DALRD3: variants seen among roughly 807,000 people sequenced by gnomAD.
DALRD3 encodes the protein DALR anticodon-binding domain-containing protein 3.
DALRD3 carries 47 observed loss-of-function variants against 56.7 expected under a neutral mutation model. That is an observed-to-expected ratio of 0.83 (90% confidence interval 0.66 to 1.06). DALRD3 has a LOEUF of 1.06. Ranked by LOEUF, DALRD3 falls within the 50% of genes least tolerant of loss-of-function variation. The pLI, the probability that DALRD3 is intolerant of heterozygous loss-of-function variation, is 0.00. For synonymous variants in DALRD3, 347 were observed against 308.5 expected (o/e 1.12, Z -1.31); for missense variants, 787 against 724.0 (o/e 1.09, Z -1.00).
In DALRD3 at chr3:49,018,414, A is replaced by G; in HGVS notation, c.151T>C (p.Phe51Leu). Reference protein sequence around the residue: ...LAPHRALQARFDDGQVPEHLL... With the variant: ...LAPHRALQARLDDGQVPEHLL... ...CTCACGCCCACCTGGCCGTCATCGA[A>G]GCGCGCCTGCAGCGCGCGGTGCGGT... The change falls in exon 1 of 12, where the codon TTC (phenylalanine) becomes CTC (leucine). Residue 51 changes from phenylalanine (F) to leucine (L), a missense_variant. Coordinates refer to ENST00000341949, the MANE Select transcript of DALRD3 (RefSeq NM_001009996.3). 2 of 1,574,384 alleles carry G rather than the reference A, an allele frequency of 1.3e-6. No homozygotes were observed. Among genetic ancestry groups the G allele is most frequent in the Non-Finnish European group, 1.7e-6 (2 of 1,161,836 alleles).
Position 49,016,267 on chromosome 3 carries a change from C to CAATT in DALRD3, c.1216_1219dup (p.Cys407Ter), listed in dbSNP as rs1220456168. The CAATT allele has an allele frequency of 1.4e-5, 22 of 1,613,914 alleles. No individual in the cohort carries two copies. Among genetic ancestry groups the CAATT allele is most frequent in the Non-Finnish European group, 1.9e-5 (22 of 1,179,960 alleles). ...CTCAAAGAGTGTGGCAAGACGGGCA[C>CAATT]AATTATACATGACAAAGGTGCCACT... On this transcript the variant is annotated stop_gained and frameshift_variant, in exon 9 of 12. Transcript: ENST00000341949. LOFTEE classifies it high-confidence loss of function.
Position 49,015,858 on chromosome 3 carries a change from C to A in DALRD3, c.1458G>T (p.Leu486=), listed in dbSNP as rs768067749. 1.2e-6 allele frequency: 2 copies of A among 1,614,064 alleles called. No individual in the cohort carries two copies. Among genetic ancestry groups the A allele is most frequent in the African/African-American group, 1.3e-5 (1 of 74,900 alleles). ...AGCTGAAATCCATGCTGAGCTGTAC[C>A]AGGAACTTGCATATCTAGAGACAGA... ...AVRTEMICKF[L]VQLSMDFSSY... Residue 486 remains leucine, a synonymous_variant, in exon 11 of 12, where the codon CTG becomes CTT. Coordinates refer to ENST00000341949, the MANE Select transcript of DALRD3 (RefSeq NM_001009996.3).
chr3:49,017,826 G>A lies in DALRD3; in HGVS notation c.505C>T (p.Leu169=). The part of the protein sequence containing the change: ...LVPAVRDPHM[L]TFLQQLRVDW... ...ACCCGCAGTTGCTGCAGGAAGGTCA[G>A]CATGTGCGGATCCCGCACAGCTGGC... Residue 169 remains leucine, a synonymous_variant, in exon 3 of 12, where the codon CTG becomes TTG. Coordinates refer to ENST00000341949, the MANE Select transcript of DALRD3 (RefSeq NM_001009996.3). 6.2e-7 allele frequency: 1 copy of A among 1,610,148 alleles called. No individual in the cohort carries two copies. The highest frequency in any genetic ancestry group is 8.5e-7 in the Non-Finnish European group (1 of 1,179,876).
Position 49,016,028 on chromosome 3 carries a change from G to A in DALRD3, c.1388C>T (p.Thr463Ile). 6.2e-7 allele frequency: 1 copy of A among 1,603,528 alleles called. No homozygotes were observed. The highest frequency in any genetic ancestry group is 1.3e-5 in the African/African-American group (1 of 74,868). ...ILPFPDLLSRTAVLDCTAPGL... is the reference protein window; with the variant it reads ...ILPFPDLLSRIAVLDCTAPGL... The stretch of plus-strand genomic sequence containing the variant: ...CGGGGCTGTGCAGTCCAGCACTGCT[G>A]TCCGGCTCAGCAGATCCGGAAAGGG... Residue 463 changes from threonine (T) to isoleucine (I), a missense_variant, in exon 10 of 12, where the codon ACA (threonine) becomes ATA (isoleucine). Transcript: ENST00000341949.
rs2093113327 is a variant in DALRD3 at position 49,018,156 on chromosome 3, A to G, written c.328T>C (p.Ser110Pro). The change falls in exon 2 of 12, where the codon TCG becomes CCG. Residue 110 changes from serine to proline, a missense_variant. Coordinates refer to ENST00000341949, the MANE Select transcript of DALRD3 (RefSeq NM_001009996.3). ...ACGCGCTGGCCCAGCGAGGCAGGCG[A>G]GGCGGGCGTGGCATAGGCGGCCACG... is the stretch of plus-strand genomic sequence containing the variant. ...SAVAAYATPA[S>P]PASLGQRVLL... 1.4e-6 allele frequency: 2 copies of G among 1,454,706 alleles called. No individual in the cohort carries two copies. The highest frequency in any genetic ancestry group is 1.8e-6 in the Non-Finnish European group (2 of 1,114,810). 90.1% of individuals were successfully genotyped at this position (1,454,706 alleles called of 1,614,324 possible). A position where few individuals can be genotyped will look rare whatever the true frequency, so the allele number is the denominator to read the frequency against.
In DALRD3 at chr3:49,015,949, G is replaced by C. The variant is rs765387162; in HGVS notation, c.1443+24C>G. ...GCCAGAATAAAGAATAGAGTGTAGA[G>C]TGTCCTGGTTGTCTATGCCTCACCA... On this transcript the variant is annotated intron_variant, in intron 10 of 11. Transcript: ENST00000341949. The C allele has an allele frequency of 3.7e-6, 6 of 1,614,136 alleles. No homozygotes were observed. In the Admixed American group the frequency reaches 8.3e-5, roughly 22 times the overall value.
chr3:49,016,293 C>A lies in DALRD3; in HGVS notation c.1194G>T (p.Lys398Asn). 6.2e-7 allele frequency: 1 copy of A among 1,612,636 alleles called. No individual in the cohort carries two copies. Among genetic ancestry groups the A allele is most frequent in the Non-Finnish European group, 8.5e-7 (1 of 1,178,852 alleles). The change falls in exon 9 of 12, where the codon AAG becomes AAT. Residue 398 changes from lysine (K) to asparagine (N), a missense_variant. Transcript: ENST00000341949. ...ADSSISTKGTKSGTFVMYNCA... is the reference protein window; with the variant it reads ...ADSSISTKGTNSGTFVMYNCA... ...AATTATACATGACAAAGGTGCCACT[C>A]TTTGTGCCCTTCGTGGAGATACTGC...
upstream of DALRD3, chr3:49,018,583 GCGGAAC>G: frequency 3.3e-6 from 5 of 1,534,596 alleles, no homozygotes; most frequent in Non-Finnish European, 4.4e-6. Context: ...GAAGGAGTAA[GCGGAAC>G]CGGAAAAAAA....
At chr3:49,017,075 C>A (rs1321264256) in intron 5 of DALRD3, 153 bp downstream of exon 5, 4 of 1,117,178 alleles carry the variant, frequency 3.6e-6, no homozygotes, top group Middle Eastern at 2.9e-4. Context: ...CCCAGAGCCT[C>A]TGCACCTGCT....
At chr3:49,019,817 C>G (rs1166642045), upstream of DALRD3, among the ~76,000 whole-genome samples, 1 of 152,208 alleles carries the variant, frequency 6.6e-6, no homozygotes, top group Non-Finnish European at 1.5e-5. Flanking sequence ...ACCTGGTGTG[C>G]TTTAACAACG....
upstream of DALRD3, chr3:49,020,711 TGGCGGGG>T (rs763650632): frequency 4.1e-6 from 2 of 486,240 alleles, no homozygotes; most frequent in South Asian, 1.5e-5. Context: ...GTCCAGCCGT[TGGCGGGG>T]GGCGGGGGAG....
In DALRD3 at chr3:49,017,367, A is replaced by G. The variant is rs759508223; in HGVS notation, c.799-11T>C. 2 of 1,614,236 alleles carry G rather than the reference A, an allele frequency of 1.2e-6. No individual in the cohort carries two copies. The highest frequency in any genetic ancestry group is 1.1e-5 in the South Asian group (1 of 91,092). On this transcript the variant is annotated splice_polypyrimidine_tract_variant and intron_variant, in intron 4 of 11. Transcript: ENST00000341949. The stretch of plus-strand genomic sequence containing the variant: ...ATCTGAGGCCCCAGCCTAAGGGAGG[A>G]CAATCATAACTGTGGAAGTACAGTA...
upstream of DALRD3, among the ~76,000 whole-genome samples, chr3:49,019,636 C>A (rs545781856): frequency 5.3e-5 from 8 of 152,034 alleles, no homozygotes; most frequent in South Asian, 2.1e-4. Flanking sequence ...CGCGCCACCA[C>A]GCCCGGCTAC....
At position 49,016,613 on chromosome 3, in the gene DALRD3, T is replaced by G. The variant is rs758546850; in HGVS notation, c.1062A>C (p.Gln354His). The change falls in exon 7 of 12, where the codon CAA (glutamine) becomes CAC (histidine). Residue 354 changes from glutamine to histidine, a missense_variant and splice_region_variant. Coordinates refer to ENST00000341949, the MANE Select transcript of DALRD3 (RefSeq NM_001009996.3). ...SALKHGGDLA[Q>H]DPAWTEIFGV... ...ATAGCCAGGGTTTCCCAGGCACACC[T>G]TGTGCCAGATCCCCACCATGCTTCA... The G allele has an allele frequency of 6.3e-7, 1 of 1,584,952 alleles. No homozygotes were observed. The highest frequency in any genetic ancestry group is 1.2e-5 in the South Asian group (1 of 85,936).
At position 49,016,771 on chromosome 3, in the gene DALRD3, CACTCGT is replaced by C; in HGVS notation, c.998_1001+2del. On this transcript the variant is annotated splice_donor_variant and coding_sequence_variant, in exon 6 of 12. Transcript: ENST00000341949. LOFTEE classifies it high-confidence loss of function. ...GGTTGGTGTTCCTCCCAGCCTCACT[CACTCGT>C]AGTACTCAGGGGCAGTCATCAGAGT... 6.2e-7 allele frequency: 1 copy of C among 1,614,174 alleles called. No homozygotes were observed. Among genetic ancestry groups the C allele is most frequent in the Non-Finnish European group, 8.5e-7 (1 of 1,180,020 alleles).
At position 49,015,495 on chromosome 3, in the gene DALRD3, C is replaced by CA; in HGVS notation, c.*92dup. 1.3e-6 allele frequency: 2 copies of CA among 1,570,666 alleles called. No individual in the cohort carries two copies. The highest frequency in any genetic ancestry group is 1.7e-6 in the Non-Finnish European group (2 of 1,149,376). On this transcript the variant is annotated 3_prime_UTR_variant, in exon 12 of 12. Coordinates refer to ENST00000341949, the MANE Select transcript of DALRD3 (RefSeq NM_001009996.3). ...CCCATGACAAGACAGAACTTTGTAA[C>CA]AAACAGTACCAATTTATTTTGGCCG...
In DALRD3 at chr3:49,018,566, G is replaced by A; in HGVS notation, c.-2C>T. 6.4e-7 allele frequency: 1 copy of A among 1,569,522 alleles called. No homozygotes were observed. Among genetic ancestry groups the A allele is most frequent in the Non-Finnish European group, 8.6e-7 (1 of 1,159,606 alleles). On this transcript the variant is annotated 5_prime_UTR_variant, in exon 1 of 12. Coordinates refer to ENST00000341949, the MANE Select transcript of DALRD3 (RefSeq NM_001009996.3). ...GACCCCAAGGCGCCTGGTCGCCATG[G>A]TGACCGGAAGGAGTAAGCGGAACCG... is the stretch of plus-strand genomic sequence containing the variant.
chr3:49,016,404 G>A (rs2093071982), intron 8 of DALRD3, 25 bp downstream of exon 8: 1 of 1,609,346 alleles, frequency 6.2e-7, no homozygotes, highest in African/African-American at 1.3e-5. Flanking sequence ...CCCCAACACT[G>A]GCCCTGTCAG....
chr3:49,021,199 C>T (rs2093153173), upstream of DALRD3: 2 of 152,714 alleles, frequency 1.3e-5, no homozygotes, highest in African/African-American at 4.8e-5. The surrounding 1 kb of genome is among the most constrained non-coding windows in gnomAD (Gnocchi z 4.1). Context: ...ACCAGGCTCC[C>T]ACTGTGCCGA....
Sources: gnomAD v4.1 joint callset for allele counts (sites outside exome capture counted in the v4.1 genomes callset) on GRCh38, gnomAD v4.1.1 for gene constraint, Gnocchi (gnomAD v3.1) non-coding constraint, MANE v1.5 for transcripts, NCBI Gene and HGNC (gene_info 2026-07-23, HGNC 2026-07-21) for gene names.